WWOX: variants seen among roughly 807,000 people sequenced by gnomAD.
WWOX encodes the protein WW domain containing oxidoreductase, also known as WW domain-containing oxidoreductase.
WWOX carries 69 observed loss-of-function variants against 46.2 expected under a neutral mutation model. The observed-to-expected ratio is 1.49, with a 90% confidence interval of 1.23 to 1.82. WWOX has a LOEUF of 1.82. Ranked by LOEUF, WWOX falls within the 40% of genes most tolerant of loss-of-function variation. The pLI is 0.00. For synonymous variants in WWOX, 359 were observed against 202.6 expected (o/e 1.77, Z -6.56); for missense variants, 919 against 542.6 (o/e 1.69, Z -6.89).
At chr16:79,050,237 C>T (rs2048141049) in intron 8 of WWOX, among the ~76,000 whole-genome samples, 2 of 152,138 alleles carry the variant, frequency 1.3e-5, no homozygotes, top group Admixed American at 1.3e-4. Context: ...GTGGGGCTTC[C>T]CCCTGTGTCT....
At chr16:78,406,153 A>G (rs982984128) in intron 6 of WWOX, among the ~76,000 whole-genome samples, 28 of 151,334 alleles carry the variant, frequency 1.9e-4, no homozygotes, top group African/African-American at 6.8e-4. Context: ...AGCCAACTAT[A>G]TCGTCATTTT....
At chr16:78,252,917 T>C (rs57395847) in intron 5 of WWOX, among the ~76,000 whole-genome samples, 4,514 of 152,258 alleles carry the variant, frequency 0.03, 251 homozygotes, top group East Asian at 0.24. Context: ...GATTGCAAAA[T>C]TACACCATTT....
chr16:78,939,253 A>G (rs570153486), intron 8 of WWOX, among the ~76,000 whole-genome samples: 2 of 152,274 alleles, frequency 1.3e-5, no homozygotes, highest in South Asian at 4.2e-4. Flanking sequence ...TTGGGCTTTA[A>G]AGATGGATGA....
At chr16:78,559,874 T>C (rs2044392598) in intron 8 of WWOX, among the ~76,000 whole-genome samples, 1 of 152,164 alleles carries the variant, frequency 6.6e-6, no homozygotes, top group Non-Finnish European at 1.5e-5. Flanking sequence ...CTCTATCTCA[T>C]ACTTTACCTC....
chr16:78,146,896 A>G (rs2034217898), intron 4 of WWOX, among the ~76,000 whole-genome samples: 1 of 152,204 alleles, frequency 6.6e-6, no homozygotes, highest in South Asian at 2.1e-4. Context: ...TAAAGCTAGC[A>G]TTGCCCGTGC....
At chr16:78,368,893 A>C (rs1180813276) in intron 5 of WWOX, among the ~76,000 whole-genome samples, 1 of 152,130 alleles carries the variant, frequency 6.6e-6, no homozygotes, top group Admixed American at 6.5e-5. Flanking sequence ...AGAATGGTAC[A>C]TCCCACCACT....
chr16:78,519,303 C>A (rs1004478106), intron 8 of WWOX, among the ~76,000 whole-genome samples: 1 of 152,124 alleles, frequency 6.6e-6, no homozygotes, highest in South Asian at 2.1e-4. Context: ...CGATTGCTTT[C>A]CTGAAGGCAG....
intron 8 of WWOX, among the ~76,000 whole-genome samples, chr16:78,654,344 A>G (rs775314399): frequency 6.6e-6 from 1 of 152,226 alleles, no homozygotes; most frequent in Non-Finnish European, 1.5e-5. Flanking sequence ...CATCATCGTC[A>G]TCCTCATCAT....
chr16:78,238,951 C>T (rs896067780), intron 5 of WWOX, among the ~76,000 whole-genome samples: 5 of 146,668 alleles, frequency 3.4e-5, no homozygotes, highest in Admixed American at 7.2e-5. Flanking sequence ...CTGAAGGCAT[C>T]GGCCCCCAAG....
intron 8 of WWOX, among the ~76,000 whole-genome samples, chr16:78,983,620 G>C (rs151042802): frequency 9.7e-4 from 148 of 152,212 alleles, no homozygotes; most frequent in Admixed American, 2.6e-3. Flanking sequence ...AGACTCTCCT[G>C]GTGTTAGATT....
rs115657167 is a variant in WWOX at position 79,080,570 on chromosome 16, A to G, written c.1057-131038A>G. Among the ~76,000 whole-genome samples, 560 of 152,326 alleles carry G rather than the reference A, an allele frequency of 3.7e-3. 10 individuals carry two copies. Among genetic ancestry groups the G allele is most frequent in the African/African-American group, 0.013 (529 of 41,586 alleles). The stretch of plus-strand genomic sequence containing the variant: ...CATACCCAGAACCAGATTGTCTAAC[A>G]CTGAATCTCGAATCCAAATTCCTGG... On this transcript the variant is annotated intron_variant, in intron 8 of 8. Transcript: ENST00000566780.
intron 8 of WWOX, among the ~76,000 whole-genome samples, chr16:78,555,844 C>G (rs1004359522): frequency 6.6e-6 from 1 of 152,020 alleles, no homozygotes; most frequent in Non-Finnish European, 1.5e-5. Context: ...ATGAGAATGC[C>G]AGCTTAAATA....
intron 8 of WWOX, among the ~76,000 whole-genome samples, chr16:78,914,620 C>G (rs1408826549): frequency 6.6e-6 from 1 of 151,944 alleles, no homozygotes; most frequent in Admixed American, 6.6e-5. Context: ...CGGCTCACAC[C>G]TGTAATCCCA....
chr16:78,420,948 C>G (rs1209588050), intron 6 of WWOX, among the ~76,000 whole-genome samples: 2 of 152,012 alleles, frequency 1.3e-5, no homozygotes, highest in African/African-American at 2.4e-5. Flanking sequence ...TAATTTCCTG[C>G]TTTTTCAATT....
At chr16:79,111,524 A>C (rs183695350) in intron 8 of WWOX, among the ~76,000 whole-genome samples, 2 of 152,336 alleles carry the variant, frequency 1.3e-5, no homozygotes, top group Non-Finnish European at 2.9e-5. Context: ...ATGAATAGTC[A>C]TCATGGTTTC....
intron 8 of WWOX, among the ~76,000 whole-genome samples, chr16:79,163,935 C>A (rs145131200): frequency 6.1e-4 from 91 of 149,870 alleles, no homozygotes; most frequent in African/African-American, 2.1e-3. Flanking sequence ...TTGCTTCTGC[C>A]GTTTCTAGCC....
At chr16:78,103,506 C>G (rs564442009) in intron 1 of WWOX, among the ~76,000 whole-genome samples, 238 of 152,192 alleles carry the variant, frequency 1.6e-3, no homozygotes, top group Non-Finnish European at 2.9e-3. Context: ...TTCTCTGGAT[C>G]AGGGTTGAAA....
chr16:78,145,574 T>C (rs1454786542), intron 4 of WWOX, among the ~76,000 whole-genome samples: 1 of 152,150 alleles, frequency 6.6e-6, no homozygotes, highest in African/African-American at 2.4e-5. Context: ...CAACCCAAAT[T>C]GAGGGTGGGT....
At chr16:79,138,416 C>A (rs1278144037) in intron 8 of WWOX, among the ~76,000 whole-genome samples, 4 of 152,168 alleles carry the variant, frequency 2.6e-5, no homozygotes, top group African/African-American at 9.7e-5. Flanking sequence ...TTTTCTGCCA[C>A]AGTTTAAGTA....
Sources: gnomAD v4.1 joint callset for allele counts (sites outside exome capture counted in the v4.1 genomes callset) on GRCh38, gnomAD v4.1.1 for gene constraint, MANE v1.5 for transcripts, NCBI Gene and HGNC (gene_info 2026-07-23, HGNC 2026-07-21) for gene names.